ZNF609: variants seen among roughly 807,000 people sequenced by gnomAD.
ZNF609 encodes the protein zinc finger protein 609.
In ZNF609, 11 loss-of-function variants were observed where a neutral mutation model predicts 109.5. The observed-to-expected ratio is 0.10, with a 90% confidence interval of 0.06 to 0.17. ZNF609 has a LOEUF of 0.17. ZNF609 is among the 10% of genes least tolerant of loss of function. The pLI is 1.00. For missense variants in ZNF609, 1,559 were observed against 1,772.4 expected (o/e 0.88, Z 2.16); for synonymous variants, 646 against 662.0 (o/e 0.98, Z 0.37).
At chr15:64,597,660 T>C (rs1242348618) in intron 2 of ZNF609, among the ~76,000 whole-genome samples, 1 of 152,198 alleles carries the variant, frequency 6.6e-6, no homozygotes, top group Non-Finnish European at 1.5e-5. Flanking sequence ...TCAACAAAGA[T>C]CTTGCATATT....
At chr15:64,483,029 A>T (rs997585579) in intron 1 of ZNF609, among the ~76,000 whole-genome samples, 5 of 152,194 alleles carry the variant, frequency 3.3e-5, no homozygotes, top group Non-Finnish European at 7.3e-5. Flanking sequence ...ATGTAAAGTA[A>T]ATATTCATAT....
intron 2 of ZNF609, among the ~76,000 whole-genome samples, chr15:64,582,717 T>G (rs1895126609): frequency 2.7e-5 from 1 of 36,476 alleles, no homozygotes; most frequent in African/African-American, 5.1e-5. Flanking sequence ...TCTTTCTTTC[T>G]TTTTTCTTTT....
intron 1 of ZNF609, among the ~76,000 whole-genome samples, chr15:64,490,383 C>T (rs1241706182): frequency 6.6e-6 from 1 of 151,506 alleles, no homozygotes; most frequent in South Asian, 2.1e-4. Context: ...AAGTGATTCT[C>T]CTGCCTCAGC....
intron 3 of ZNF609, among the ~76,000 whole-genome samples, chr15:64,636,167 G>C (rs1365080665): frequency 6.6e-6 from 1 of 152,106 alleles, no homozygotes; most frequent in African/African-American, 2.4e-5. Flanking sequence ...CTTTCAAAGG[G>C]GTAGGGGTTA....
At chr15:64,667,003 G>A (rs756286256) in intron 3 of ZNF609, among the ~76,000 whole-genome samples, 4 of 152,040 alleles carry the variant, frequency 2.6e-5, no homozygotes, top group African/African-American at 7.2e-5. Context: ...GGTGATGTGC[G>A]CCTCTAGTCC....
intron 2 of ZNF609, among the ~76,000 whole-genome samples, chr15:64,544,255 G>C (rs572392834): frequency 4.6e-5 from 7 of 152,210 alleles, no homozygotes; most frequent in Non-Finnish European, 1.0e-4. Flanking sequence ...CAGGAGAATC[G>C]CTTGAACTTG....
intron 2 of ZNF609, among the ~76,000 whole-genome samples, chr15:64,561,197 G>A (rs1894674295): frequency 6.6e-6 from 1 of 152,002 alleles, no homozygotes; most frequent in Admixed American, 6.6e-5. Context: ...TATCTAACGT[G>A]GTACCCTCAG....
At chr15:64,563,804 CA>C (rs1378377106) in intron 2 of ZNF609, among the ~76,000 whole-genome samples, 1 of 150,946 alleles carries the variant, frequency 6.6e-6, no homozygotes, top group Non-Finnish European at 1.5e-5. Context: ...CAAAACAAAA[CA>C]AAAAAACCCA....
chr15:64,482,675 G>A (rs551913747), intron 1 of ZNF609, among the ~76,000 whole-genome samples: 14 of 152,304 alleles, frequency 9.2e-5, no homozygotes, highest in African/African-American at 3.4e-4. Flanking sequence ...CATGTAATTT[G>A]TTGGCGTCAA....
rs1406515891 is a variant in ZNF609 at position 64,678,285 on chromosome 15, G to A, written c.3572G>A (p.Cys1191Tyr). 6 of 1,614,068 alleles carry A rather than the reference G, an allele frequency of 3.7e-6. No homozygotes were observed. The highest frequency in any genetic ancestry group is 5.1e-6 in the Non-Finnish European group (6 of 1,180,046). Residue 1191 changes from cysteine to tyrosine, a missense_variant, in exon 6 of 10, where the codon TGC (cysteine) becomes TAC (tyrosine). Around this residue, in one of 4 missense-constraint regions of ZNF609, gnomAD observed 1,204 missense variants for 1,314.1 expected, o/e 0.92. Transcript: ENST00000326648. ...GGGAAGGAAAGCACAAGTAGTGACT[G>A]CAAGCTGCCCACGTCAGAGGAGTCT... The part of the protein sequence containing the change: ...EDGKESTSSD[C>Y]KLPTSEESRL...
intron 3 of ZNF609, among the ~76,000 whole-genome samples, chr15:64,652,480 A>G (rs2140998549): frequency 6.7e-6 from 1 of 148,244 alleles, no homozygotes; most frequent in East Asian, 2.0e-4. Flanking sequence ...TCGACCTCCC[A>G]GGCTCAGCCA....
At chr15:64,460,473 A>G (rs143729699), upstream of ZNF609, among the ~76,000 whole-genome samples, 439 of 152,216 alleles carry the variant, frequency 2.9e-3, 2 homozygotes, top group African/African-American at 0.01. Context: ...TCCTTCATCC[A>G]GGTTCCGGGT....
chr15:64,616,812 C>CT (rs56338576), intron 2 of ZNF609, among the ~76,000 whole-genome samples: 22,190 of 32,782 alleles, frequency 0.68, 10,137 homozygotes, highest in Non-Finnish European at 0.8. Context: ...AGCCACCATG[C>CT]TTTTTTTTTT....
chr15:64,555,518 G>A (rs1426321636), intron 2 of ZNF609, among the ~76,000 whole-genome samples: 2 of 151,826 alleles, frequency 1.3e-5, no homozygotes, highest in African/African-American at 4.8e-5. Context: ...ACAAAAATTA[G>A]CCGGGCATGG....
intron 2 of ZNF609, among the ~76,000 whole-genome samples, chr15:64,620,482 C>T (rs1895859794): frequency 6.6e-6 from 1 of 152,152 alleles, no homozygotes; most frequent in South Asian, 2.1e-4. Context: ...AAAGATCTTT[C>T]CAGGATCTAC....
chr15:64,503,625 A>G (rs1893593004), intron 2 of ZNF609, among the ~76,000 whole-genome samples: 2 of 152,212 alleles, frequency 1.3e-5, no homozygotes, highest in Admixed American at 6.5e-5. Context: ...CCCAAATCAT[A>G]TAAAATAGCC....
chr15:64,536,248 C>G (rs1894141678), intron 2 of ZNF609, among the ~76,000 whole-genome samples: 2 of 152,158 alleles, frequency 1.3e-5, no homozygotes, highest in African/African-American at 2.4e-5. Context: ...TGTTTAACTC[C>G]TGGACTGCAG....
chr15:64,589,873 C>G (rs1567022702), intron 2 of ZNF609, among the ~76,000 whole-genome samples: 1 of 152,136 alleles, frequency 6.6e-6, no homozygotes, highest in Non-Finnish European at 1.5e-5. Flanking sequence ...GCAGGAAAAA[C>G]TCGATGCTTT....
intron 2 of ZNF609, among the ~76,000 whole-genome samples, chr15:64,552,197 C>T (rs1343266644): frequency 6.6e-6 from 1 of 152,042 alleles, no homozygotes; most frequent in Non-Finnish European, 1.5e-5. Context: ...TCATTGCTTT[C>T]GTTAATGGGT....
Sources: allele counts gnomAD v4.1 joint callset (sites outside exome capture counted in the v4.1 genomes callset), GRCh38; gene constraint gnomAD v4.1.1; regional missense constraint gnomAD v4.1.1; transcripts MANE v1.5; gene names NCBI Gene and HGNC (gene_info 2026-07-23, HGNC 2026-07-21).